TNS3: variants seen among roughly 807,000 people sequenced by gnomAD.
The protein encoded by TNS3 is tensin-3.
In TNS3, 45 loss-of-function variants were observed where a neutral mutation model predicts 140.9. That is an observed-to-expected ratio of 0.32 (90% CI 0.25 to 0.41). The LOEUF is 0.41. Among genes scored for constraint, TNS3 ranks in the 10% least tolerant of loss-of-function variants. The pLI is 1.00. For missense variants in TNS3, 1,716 were observed against 1,906.7 expected, an observed-to-expected ratio of 0.90 and a Z score of 1.86; for synonymous variants, 815 against 788.4, an observed-to-expected ratio of 1.03 and a Z score of -0.56.
intron 4 of TNS3, among the ~76,000 whole-genome samples, chr7:47,454,175 T>C (rs1796149182): frequency 6.6e-6 from 1 of 152,038 alleles, no homozygotes; most frequent in Admixed American, 6.6e-5. Context: ...GGTGTCTCCT[T>C]CCAGGCTGAA....
chr7:47,455,752 G>A (rs1286958454), intron 4 of TNS3, among the ~76,000 whole-genome samples: 5 of 152,240 alleles, frequency 3.3e-5, no homozygotes, highest in Non-Finnish European at 7.3e-5. Flanking sequence ...CTCGTCTCCA[G>A]CTCTAGAAAC....
At chr7:47,331,545 C>A (rs1788343682) in intron 20 of TNS3, among the ~76,000 whole-genome samples, 1 of 152,230 alleles carries the variant, frequency 6.6e-6, no homozygotes, top group Non-Finnish European at 1.5e-5. Context: ...ATCCCTCTGC[C>A]AGGTGACACA....
rs1469513231 is a variant in TNS3 at position 47,555,399 on chromosome 7, CT to C, written c.-264-26253del. ...CTGAGGGACAAGAGCAAGACTTTGT[CT>C]CAAAAAAAAAAAAAAAAGAAAGTTA... On this transcript the variant is annotated intron_variant, in intron 1 of 30. Transcript: ENST00000311160. Among the ~76,000 whole-genome samples the C allele has an allele frequency of 2.3e-4, 26 of 112,876 alleles. No homozygotes were observed. In the East Asian group the frequency reaches 5.1e-3, roughly 22 times the overall value. The allele number at this position is 112,876 out of a possible 152,430, so 74.1% of individuals were successfully genotyped here.
intron 3 of TNS3, among the ~76,000 whole-genome samples, chr7:47,501,066 C>T (rs566086674): frequency 6.7e-5 from 10 of 149,974 alleles, no homozygotes; most frequent in East Asian, 2.0e-4. Context: ...GCCCGGGTGA[C>T]GGAGGGAAGA....
rs972708321 is a variant in TNS3 at position 47,303,498 on chromosome 7, G to A, written c.2909C>T (p.Pro970Leu). Residue 970 changes from proline to leucine, a missense_variant, in exon 22 of 31, where the codon CCC becomes CTC. Around this residue, in one of 3 missense-constraint regions of TNS3, gnomAD observed 1,163 missense variants for 1,182.1 expected, o/e 0.98. Coordinates refer to ENST00000311160, the MANE Select transcript of TNS3 (RefSeq NM_022748.12). ...GGTACCGGAGAACTCAGCGCTGAGG[G>A]GACTTCCGGTGGGCCGGCCGCTCCC... ...LLGSGRPTGS[P>L]LSAEFSGTRK... 2 of 1,609,992 alleles carry A rather than the reference G, an allele frequency of 1.2e-6. No homozygotes were observed. The highest frequency in any genetic ancestry group is 1.7e-6 in the Non-Finnish European group (2 of 1,179,870).
At chr7:47,347,396 A>G (rs1314705904) in intron 17 of TNS3, among the ~76,000 whole-genome samples, 2 of 152,140 alleles carry the variant, frequency 1.3e-5, no homozygotes, top group Admixed American at 1.3e-4. Flanking sequence ...AGAAGCTCAC[A>G]GGAATGCAAA....
At chr7:47,505,226 G>A (rs1194756487) in intron 3 of TNS3, among the ~76,000 whole-genome samples, 1 of 152,122 alleles carries the variant, frequency 6.6e-6, no homozygotes, top group Non-Finnish European at 1.5e-5. Flanking sequence ...AGGGGAGGGG[G>A]AAGCTCTCCA....
At chr7:47,493,704 T>C (rs1014299881) in intron 3 of TNS3, among the ~76,000 whole-genome samples, 6 of 150,008 alleles carry the variant, frequency 4.0e-5, no homozygotes, top group African/African-American at 1.2e-4. Context: ...GGCGGGCGCC[T>C]GTAGTCCCAG....
intron 4 of TNS3, among the ~76,000 whole-genome samples, chr7:47,455,907 G>A (rs1458532795): frequency 1.3e-5 from 2 of 152,210 alleles, no homozygotes; most frequent in Non-Finnish European, 2.9e-5. Flanking sequence ...GCAGAGAAAT[G>A]GAGGCACACT....
At chr7:47,283,606 A>T in intron 28 of TNS3, 91 bp downstream of exon 28, 2 of 1,270,128 alleles carry the variant, frequency 1.6e-6, no homozygotes, top group Non-Finnish European at 2.1e-6. Flanking sequence ...CTAATGATTT[A>T]CCTGGATGAC....
At chr7:47,365,026 C>G (rs1011527259) in intron 17 of TNS3, among the ~76,000 whole-genome samples, 10 of 152,186 alleles carry the variant, frequency 6.6e-5, no homozygotes, top group African/African-American at 2.4e-4. Flanking sequence ...TTTGTATTGT[C>G]AATACCCAAA....
chr7:47,305,472 C>A (rs998321914), intron 20 of TNS3, among the ~76,000 whole-genome samples: 5 of 152,260 alleles, frequency 3.3e-5, no homozygotes, highest in Non-Finnish European at 5.9e-5. Flanking sequence ...GCAGGCCCTG[C>A]GGCAGCCGGG....
intron 4 of TNS3, among the ~76,000 whole-genome samples, chr7:47,450,785 A>G (rs1161655552): frequency 6.6e-6 from 1 of 152,242 alleles, no homozygotes; most frequent in East Asian, 1.9e-4. Flanking sequence ...TAGGTTAAAC[A>G]TGGCACCCCG....
At chr7:47,468,534 T>A (rs1436952150) in intron 4 of TNS3, among the ~76,000 whole-genome samples, 1 of 152,164 alleles carries the variant, frequency 6.6e-6, no homozygotes, top group African/African-American at 2.4e-5. Flanking sequence ...GGCCACTGCG[T>A]TTAAGGGCCT....
At chr7:47,504,067 C>G (rs539473867) in intron 3 of TNS3, among the ~76,000 whole-genome samples, 1 of 152,284 alleles carries the variant, frequency 6.6e-6, no homozygotes, top group South Asian at 2.1e-4. Flanking sequence ...GCAAGGGGGA[C>G]TAGAAAGGCT....
In TNS3 at chr7:47,369,227, C is replaced by A. The variant is rs372976451; in HGVS notation, c.1419G>T (p.Arg473=). 4.5e-5 allele frequency: 72 copies of A among 1,614,180 alleles called. No individual in the cohort carries two copies. In the East Asian group the frequency reaches 1.5e-3, roughly 33 times the overall value. ...HVNGDAALKD[R]ETDILDDEMP... ...TCTCGTCATCCAGAATGTCTGTCTCCCGATCCTTCAGAGCAGCGTCTCCAT... is the reference window on the plus strand; with the variant it reads ...TCTCGTCATCCAGAATGTCTGTCTCACGATCCTTCAGAGCAGCGTCTCCAT... Residue 473 remains arginine (R), a synonymous_variant, in exon 17 of 31, where the codon CGG becomes CGT. Transcript: ENST00000311160.
At chr7:47,355,454 C>T (rs752729342) in intron 17 of TNS3, among the ~76,000 whole-genome samples, 2 of 152,080 alleles carry the variant, frequency 1.3e-5, no homozygotes, top group Non-Finnish European at 2.9e-5. Context: ...GGGGATGCAT[C>T]GCCGTCAGAG....
At chr7:47,549,705 C>T (rs1269814775) in intron 1 of TNS3, among the ~76,000 whole-genome samples, 1 of 152,114 alleles carries the variant, frequency 6.6e-6, no homozygotes, top group Non-Finnish European at 1.5e-5. Context: ...CTTGGTCTTA[C>T]AGTCATCGGG....
chr7:47,499,701 C>T (rs1342755604), intron 3 of TNS3, among the ~76,000 whole-genome samples: 2 of 152,108 alleles, frequency 1.3e-5, no homozygotes, highest in African/African-American at 4.8e-5. Flanking sequence ...CAGCGGCTGC[C>T]GGGGTGCAGG....
Sources: allele counts gnomAD v4.1 joint callset (sites outside exome capture counted in the v4.1 genomes callset), GRCh38; gene constraint gnomAD v4.1.1; regional missense constraint gnomAD v4.1.1; transcripts MANE v1.5; gene names NCBI Gene and HGNC (gene_info 2026-07-23, HGNC 2026-07-21).